LYPD6: variants seen among roughly 807,000 people sequenced by gnomAD.
LYPD6 encodes the protein ly6/PLAUR domain-containing protein 6.
A neutral mutation model predicts 22.7 loss-of-function variants in LYPD6; 15 were observed. That is an observed-to-expected ratio of 0.66 (90% CI 0.44 to 1.02). LYPD6 has a LOEUF of 1.02. LYPD6 is among the 50% of genes least tolerant of loss of function. The pLI, the probability that LYPD6 is intolerant of heterozygous loss-of-function variation, is 0.00. For synonymous variants in LYPD6, 72 were observed against 77.5 expected (o/e 0.93, Z 0.37); for missense variants, 189 against 208.4 (o/e 0.91, Z 0.57).
At chr2:149,464,303 G>A in intron 3 of LYPD6, 1 of 316,272 alleles carries the variant, frequency 3.2e-6, no homozygotes, top group Admixed American at 4.9e-5. Flanking sequence ...TATCACATTT[G>A]GATTGAGCCT....
At chr2:149,338,494 A>G (rs909845837) in intron 1 of LYPD6, among the ~76,000 whole-genome samples, 1 of 152,100 alleles carries the variant, frequency 6.6e-6, no homozygotes, top group African/African-American at 2.4e-5. Context: ...GGCCTTTTGG[A>G]CAGAGCCCTC....
chr2:149,422,715 C>G (rs990273075), intron 1 of LYPD6, among the ~76,000 whole-genome samples: 1 of 152,162 alleles, frequency 6.6e-6, no homozygotes, highest in African/African-American at 2.4e-5. Flanking sequence ...TTCCTCTTAT[C>G]TCACTGACAT....
At chr2:149,386,162 C>T (rs1268904313) in intron 1 of LYPD6, among the ~76,000 whole-genome samples, 1 of 152,120 alleles carries the variant, frequency 6.6e-6, no homozygotes, top group African/African-American at 2.4e-5. Flanking sequence ...GACGATTAAC[C>T]TGAACTCAGC....
At chr2:149,431,693 T>G (rs1173825427) in intron 1 of LYPD6, among the ~76,000 whole-genome samples, 2 of 152,218 alleles carry the variant, frequency 1.3e-5, no homozygotes, top group Non-Finnish European at 2.9e-5. Flanking sequence ...GTGCATTGTA[T>G]GCATTTTTTT....
the LYPD6 span, among the ~76,000 whole-genome samples, chr2:149,479,723 G>A: frequency 6.6e-6 from 1 of 152,122 alleles, no homozygotes; most frequent in Non-Finnish European, 1.5e-5. Flanking sequence ...TCTGGTCCCA[G>A]CTATGATCAC....
Position 149,336,928 on chromosome 2 carries a change from C to CTTGT in LYPD6, c.-72+6206_-72+6207insTTGT, listed in dbSNP as rs59618488. Among the ~76,000 whole-genome samples, 1,479 of 148,522 alleles carry CTTGT rather than the reference C, an allele frequency of 1.0e-2. 17 individuals are homozygous for CTTGT. The highest frequency in any genetic ancestry group is 0.028 in the African/African-American group (1,127 of 40,364). ...TAAAAAGGGCAGCATGTTGAAATAACGTGTGTGTGTGTGTGTGTGTGTGTG... is the reference window on the plus strand; with the variant it reads ...TAAAAAGGGCAGCATGTTGAAATAACTTGTGTGTGTGTGTGTGTGTGTGTGTGTG... On this transcript the variant is annotated intron_variant, in intron 1 of 4. Transcript: ENST00000334166.
Position 149,472,026 on chromosome 2 carries a change from G to C in LYPD6, c.*1176G>C, listed in dbSNP as rs766201529. 2.0e-5 allele frequency: 3 copies of C among 152,408 alleles called. No individual in the cohort carries two copies. Among genetic ancestry groups the C allele is most frequent in the Non-Finnish European group, 4.4e-5 (3 of 68,002 alleles). 9.4% of individuals were successfully genotyped at this position (152,408 alleles called of 1,614,324 possible). ...TTTAGATATTGCTTTTGAAGTAGAT[G>C]GTAAAATTTTTGTCATCCTTCTTGT... On this transcript the variant is annotated 3_prime_UTR_variant, in exon 5 of 5. Coordinates refer to ENST00000334166, the MANE Select transcript of LYPD6 (RefSeq NM_194317.5).
rs562789115 is a variant in LYPD6 at position 149,336,457 on chromosome 2, T to C, written c.-72+5735T>C. Among the ~76,000 whole-genome samples, 5 of 152,342 alleles carry C rather than the reference T, an allele frequency of 3.3e-5. No individual in the cohort carries two copies. The East Asian group carries it at 9.6e-4, about 29-fold the overall frequency. The stretch of plus-strand genomic sequence containing the variant: ...TGTTCCCATCAGCAGATAGCATAGC[T>C]GGCTAGTAGTCTCTCAGCTCTCTAA... On this transcript the variant is annotated intron_variant, in intron 1 of 4. Transcript: ENST00000334166.
intron 1 of LYPD6, among the ~76,000 whole-genome samples, chr2:149,340,176 A>G (rs1285566860): frequency 1.3e-5 from 2 of 152,152 alleles, no homozygotes; most frequent in African/African-American, 4.8e-5. Context: ...TTCAAAAAAT[A>G]TTTAATATTT....
At chr2:149,403,257 G>T (rs1201417067) in intron 1 of LYPD6, among the ~76,000 whole-genome samples, 1 of 151,654 alleles carries the variant, frequency 6.6e-6, no homozygotes, top group African/African-American at 2.4e-5. Flanking sequence ...GTAATGGGAT[G>T]GCTGGGTCAA....
intron 1 of LYPD6, among the ~76,000 whole-genome samples, chr2:149,413,383 G>T (rs1026941437): frequency 1.3e-5 from 2 of 152,138 alleles, no homozygotes; most frequent in African/African-American, 2.4e-5. Flanking sequence ...TTTCTCATGT[G>T]TAAAGAAAAG....
intron 1 of LYPD6, among the ~76,000 whole-genome samples, chr2:149,357,347 A>C (rs1212302907): frequency 1.3e-5 from 2 of 151,460 alleles, no homozygotes; most frequent in Non-Finnish European, 2.9e-5. Flanking sequence ...GGATTTGGAC[A>C]CATAGTCTCC....
At chr2:149,371,076 T>A (rs1320849705) in intron 1 of LYPD6, among the ~76,000 whole-genome samples, 1 of 152,232 alleles carries the variant, frequency 6.6e-6, no homozygotes, top group Non-Finnish European at 1.5e-5. Flanking sequence ...GCTGACTCTT[T>A]TTATAAGTGA....
chr2:149,482,257 G>A, the LYPD6 span, among the ~76,000 whole-genome samples: 2 of 151,962 alleles, frequency 1.3e-5, no homozygotes, highest in East Asian at 1.9e-4. Context: ...CTTCTGAACC[G>A]TTTTAAGGAA....
intron 1 of LYPD6, among the ~76,000 whole-genome samples, chr2:149,394,845 T>C (rs187854080): frequency 1.3e-5 from 2 of 152,224 alleles, no homozygotes; most frequent in African/African-American, 2.4e-5. Flanking sequence ...TTTCTATCCA[T>C]GTTTATGTAT....
At chr2:149,464,194 C>G (rs1159160437) in intron 3 of LYPD6, 3 of 376,300 alleles carry the variant, frequency 8.0e-6, no homozygotes, top group South Asian at 6.3e-5. Context: ...AGCCAGATAT[C>G]CCAAATGAGA....
intron 3 of LYPD6, chr2:149,464,123 A>C (rs934485389): frequency 1.4e-5 from 6 of 423,244 alleles, no homozygotes; most frequent in East Asian, 1.5e-4. Flanking sequence ...TAAAAAAAAA[A>C]AAAACAGTTT....
At chr2:149,374,157 T>C (rs1196716) in intron 1 of LYPD6, among the ~76,000 whole-genome samples, 84,730 of 151,994 alleles carry the variant, frequency 0.56, 26,267 homozygotes, top group East Asian at 0.9. Context: ...TATGGAAATC[T>C]CAATAATGGA....
At chr2:149,382,114 A>T (rs1682078939) in intron 1 of LYPD6, among the ~76,000 whole-genome samples, 1 of 152,218 alleles carries the variant, frequency 6.6e-6, no homozygotes, top group Admixed American at 6.5e-5. Context: ...GAGCTTAAAA[A>T]TGAAACCTTC....
Sources: allele counts gnomAD v4.1 joint callset (sites outside exome capture counted in the v4.1 genomes callset), GRCh38; gene constraint gnomAD v4.1.1; transcripts MANE v1.5; gene names NCBI Gene and HGNC (gene_info 2026-07-23, HGNC 2026-07-21).